Variants in DGKB observed in about 807,000 individuals in gnomAD.
DGKB encodes 90 kDa diacylglycerol kinase.
Under a neutral mutation model 114.3 loss-of-function variants are expected in DGKB, and 67 were observed. The ratio of observed to expected loss-of-function variants is 0.59; its 90% CI spans 0.48 to 0.72. The LOEUF is 0.72. Ranked by LOEUF, DGKB falls within the 30% of genes least tolerant of loss-of-function variation. The pLI is 0.00. For synonymous variants in DGKB, 398 were observed against 323.1 expected, an observed-to-expected ratio of 1.23 and a Z score of -2.49; for missense variants, 907 against 975.2, an observed-to-expected ratio of 0.93 and a Z score of 0.93.
At chr7:14,183,764 A>C (rs1782977791) in intron 23 of DGKB, among the ~76,000 whole-genome samples, 2 of 152,182 alleles carry the variant, frequency 1.3e-5, no homozygotes, top group Non-Finnish European at 1.5e-5. Context: ...AGAACTAACC[A>C]ATTAAATGTT....
chr7:14,622,374 A>G (rs1807821866), intron 14 of DGKB, among the ~76,000 whole-genome samples: 2 of 151,708 alleles, frequency 1.3e-5, no homozygotes, highest in Non-Finnish European at 2.9e-5. Context: ...ATCTCTATCT[A>G]CCCTCACTCC....
intron 21 of DGKB, among the ~76,000 whole-genome samples, chr7:14,426,459 C>T (rs371519089): frequency 4.9e-4 from 74 of 152,188 alleles, no homozygotes; most frequent in African/African-American, 1.8e-3. Flanking sequence ...GATGGAGTGG[C>T]TTCATAGCAC....
chr7:14,701,609 C>A, intron 7 of DGKB, 72 bp downstream of exon 7: 2 of 1,102,236 alleles, frequency 1.8e-6, no homozygotes, highest in Non-Finnish European at 2.8e-6. Flanking sequence ...GTAATAACTA[C>A]AAATTTATTC....
intron 13 of DGKB, among the ~76,000 whole-genome samples, chr7:14,646,234 G>C (rs368594820): frequency 2.0e-4 from 30 of 152,182 alleles, no homozygotes; most frequent in African/African-American, 7.0e-4. Context: ...ATTTGTATCA[G>C]ACAAAGTAGA....
chr7:14,920,458 G>C (rs117958744), intron 1 of DGKB, among the ~76,000 whole-genome samples: 38 of 152,246 alleles, frequency 2.5e-4, no homozygotes, highest in Middle Eastern at 3.4e-3. Context: ...GCCATGATAT[G>C]CTTATTAGAA....
chr7:14,728,778 A>C, intron 5 of DGKB, among the ~76,000 whole-genome samples: 1 of 148,590 alleles, frequency 6.7e-6, no homozygotes, highest in Non-Finnish European at 1.5e-5. Flanking sequence ...ATCTCAGCTC[A>C]CTGCAACTCT....
intron 2 of DGKB, among the ~76,000 whole-genome samples, chr7:14,798,183 T>C (rs7782835): frequency 0.43 from 64,778 of 152,050 alleles, 16,171 homozygotes; most frequent in African/African-American, 0.7. Flanking sequence ...GTTCTCACTC[T>C]GGTCTTGGAC....
intron 6 of DGKB, 139 bp from the exon 7 acceptor site, chr7:14,701,869 A>T (rs1825251775): frequency 3.3e-6 from 2 of 611,330 alleles, no homozygotes; most frequent in Non-Finnish European, 5.9e-6. Flanking sequence ...AATTTGTGGG[A>T]TTATTTCTCA....
chr7:14,708,419 C>T (rs1207357922), intron 6 of DGKB, among the ~76,000 whole-genome samples: 3 of 137,482 alleles, frequency 2.2e-5, no homozygotes, highest in African/African-American at 8.8e-5. Context: ...AATGCCATCC[C>T]CATCAAGCTA....
At chr7:14,516,327 A>G (rs1397172417) in intron 20 of DGKB, among the ~76,000 whole-genome samples, 3 of 152,190 alleles carry the variant, frequency 2.0e-5, no homozygotes, top group Admixed American at 6.5e-5. Context: ...TAAAAATCAA[A>G]TATCCACTCT....
intron 23 of DGKB, among the ~76,000 whole-genome samples, chr7:14,326,920 CACAT>C (rs1808843765): frequency 6.6e-6 from 1 of 152,154 alleles, no homozygotes; most frequent in African/African-American, 2.4e-5. Context: ...CATGCACACA[CACAT>C]ACACTCTCTA....
chr7:14,859,523 CAG>C (rs1850671000), intron 1 of DGKB, among the ~76,000 whole-genome samples: 1 of 152,028 alleles, frequency 6.6e-6, no homozygotes, highest in African/African-American at 2.4e-5. Context: ...GCAAGAGTGA[CAG>C]AGGTAACTAG....
At chr7:14,793,219 T>C (rs998904229) in intron 2 of DGKB, among the ~76,000 whole-genome samples, 3 of 152,160 alleles carry the variant, frequency 2.0e-5, no homozygotes, top group Non-Finnish European at 4.4e-5. Flanking sequence ...ATTATTCTCA[T>C]AGAAGACTAT....
At chr7:14,164,206 T>G (rs1011706377) in intron 25 of DGKB, among the ~76,000 whole-genome samples, 4 of 152,168 alleles carry the variant, frequency 2.6e-5, no homozygotes, top group Non-Finnish European at 5.9e-5. Flanking sequence ...GGGTTAGTCT[T>G]TTTCTTTCAT....
At chr7:14,169,491 G>A (rs1430780368) in intron 25 of DGKB, among the ~76,000 whole-genome samples, 1 of 152,096 alleles carries the variant, frequency 6.6e-6, no homozygotes, top group Admixed American at 6.6e-5. Context: ...ACAAAATAGA[G>A]GGTAAGGATT....
At chr7:14,697,810 AAG>A (rs1824287499) in intron 8 of DGKB, among the ~76,000 whole-genome samples, 1 of 148,918 alleles carries the variant, frequency 6.7e-6, no homozygotes, top group Non-Finnish European at 1.5e-5. Flanking sequence ...AAGAAAGAGA[AAG>A]AAAGGAAAGG....
At chr7:14,187,927 A>T (rs1167911526) in intron 23 of DGKB, among the ~76,000 whole-genome samples, 1 of 152,220 alleles carries the variant, frequency 6.6e-6, no homozygotes, top group Non-Finnish European at 1.5e-5. Context: ...ATATAAGAGA[A>T]CACAGAGAAA....
intron 2 of DGKB, among the ~76,000 whole-genome samples, chr7:14,794,597 C>T (rs918563443): frequency 2.0e-5 from 3 of 152,088 alleles, no homozygotes; most frequent in Admixed American, 6.6e-5. Context: ...TGAAGTATAG[C>T]CTTATCTCCT....
intron 4 of DGKB, chr7:14,750,025 AATGTTACT>A (rs1168755132): frequency 2.2e-6 from 1 of 465,058 alleles, no homozygotes; most frequent in Admixed American, 2.3e-5. Context: ...ACACTATCCA[AATGTTACT>A]ATGTTTTAGG....
Sources: allele counts gnomAD v4.1 joint callset (sites outside exome capture counted in the v4.1 genomes callset), GRCh38; gene constraint gnomAD v4.1.1; transcripts MANE v1.5; gene names NCBI Gene and HGNC (gene_info 2026-07-23, HGNC 2026-07-21).